The following MEAK7 variants were observed in gnomAD, a reference collection of about 807,000 sequenced individuals.
MEAK7 encodes MTOR associated protein MEAK7, also known as MTOR-associated protein MEAK7.
A neutral mutation model predicts 40.5 loss-of-function variants in MEAK7; 68 were observed. That is an observed-to-expected ratio of 1.68 (90% CI 1.38 to 2.06). MEAK7 has a LOEUF of 2.06. Among genes scored for constraint, MEAK7 ranks in the 30% most tolerant of loss-of-function variants. The pLI, the probability that MEAK7 is intolerant of heterozygous loss-of-function variation, is 0.00. For synonymous variants in MEAK7, 338 were observed against 231.9 expected (o/e 1.46, Z -4.16); for missense variants, 918 against 580.5 (o/e 1.58, Z -5.98).
At chr16:84,500,770 C>T (rs1047177983) in intron 1 of MEAK7, among the ~76,000 whole-genome samples, 11 of 152,120 alleles carry the variant, frequency 7.2e-5, no homozygotes, top group Non-Finnish European at 1.0e-4. Flanking sequence ...GGGGCTGCAC[C>T]GGCTGAGTCT....
In MEAK7 at chr16:84,486,877, G is replaced by A. The variant is rs1178370996; in HGVS notation, c.712C>T (p.Gln238Ter). 5.6e-6 allele frequency: 9 copies of A among 1,614,054 alleles called. No homozygotes were observed. The highest frequency in any genetic ancestry group is 7.6e-6 in the Non-Finnish European group (9 of 1,180,036). The change falls in exon 5 of 8, where the codon CAG becomes TAG. Residue 238 changes from glutamine (Q) to a stop codon, truncating the protein, a stop_gained. Transcript: ENST00000343629. LOFTEE classifies it high-confidence loss of function. ...AGGATGCTCTCAAAACCCCTGCCCT[G>A]GTCCACTTGACGCTCAGGGACCAGG... is the stretch of plus-strand genomic sequence containing the variant. ...TTLVPERQVD[Q>*]GRGFESILDV...
chr16:84,488,596 C>G (rs1013538281), intron 4 of MEAK7, among the ~76,000 whole-genome samples: 34 of 152,208 alleles, frequency 2.2e-4, no homozygotes, highest in African/African-American at 7.9e-4. Flanking sequence ...AGTATCTTCT[C>G]TAAACATAAT....
intron 2 of MEAK7, among the ~76,000 whole-genome samples, chr16:84,496,622 G>A (rs1417597401): frequency 6.6e-6 from 1 of 152,136 alleles, no homozygotes; most frequent in Non-Finnish European, 1.5e-5. Flanking sequence ...AGGGGGCCCA[G>A]ACCAACCTCG....
intron 5 of MEAK7, among the ~76,000 whole-genome samples, chr16:84,484,946 C>A (rs1030807411): frequency 6.6e-6 from 1 of 152,200 alleles, no homozygotes; most frequent in African/African-American, 2.4e-5. Flanking sequence ...ACATAAAGAG[C>A]CAGCAGAGTC....
intron 1 of MEAK7, chr16:84,502,985 T>G (rs139515388): frequency 2.0e-5 from 3 of 152,294 alleles, no homozygotes; most frequent in South Asian, 4.1e-4. Flanking sequence ...AAAATCTGGT[T>G]TTAGCAAAAC....
intron 6 of MEAK7, among the ~76,000 whole-genome samples, chr16:84,480,992 A>G (rs1476383594): frequency 1.3e-5 from 2 of 152,236 alleles, no homozygotes; most frequent in Non-Finnish European, 2.9e-5. Context: ...ACATCAGAGA[A>G]TTAAAAATGT....
Position 84,504,627 on chromosome 16 carries a change from G to C in MEAK7, c.-52C>G, listed in dbSNP as rs997185570. The C allele has an allele frequency of 7.1e-6, 7 of 985,538 alleles. No individual in the cohort carries two copies. The highest frequency in any genetic ancestry group is 1.7e-5 in the African/African-American group (1 of 57,264). The allele number at this position is 985,538 out of a possible 1,614,324, so 61.0% of individuals were successfully genotyped here. On this transcript the variant is annotated 5_prime_UTR_variant, in exon 1 of 8. Coordinates refer to ENST00000343629, the MANE Select transcript of MEAK7 (RefSeq NM_020947.4). The stretch of plus-strand genomic sequence containing the variant: ...CTGCCGGGCTTCCTGGTGCTGTCCG[G>C]TCCGGTCCAGCAGCCCACGGGCTCC...
rs576997001 is a variant in MEAK7, at chr16:84,493,299, C to A, written c.384+2384G>T. ...GTTTTACTTTGATCCTTTTATAGGG[C>A]AGTTTATAGTCAGCTATAGAACTCT... On this transcript the variant is annotated intron_variant, in intron 3 of 7. Transcript: ENST00000343629. Among the ~76,000 whole-genome samples, 4 of 152,282 alleles carry A rather than the reference C, an allele frequency of 2.6e-5. No homozygotes were observed. The South Asian group carries it at 8.3e-4, about 32-fold the overall frequency.
intron 5 of MEAK7, among the ~76,000 whole-genome samples, chr16:84,484,448 G>A (rs895215642): frequency 6.6e-6 from 1 of 152,190 alleles, no homozygotes; most frequent in South Asian, 2.1e-4. Flanking sequence ...ACCTTGCCCA[G>A]GGCTAGAGCT....
At position 84,479,357 on chromosome 16, in the gene MEAK7, C is replaced by A. The variant is rs1408480493; in HGVS notation, c.*556G>T. 6.6e-6 allele frequency: 1 copy of A among 152,204 alleles called. No homozygotes were observed. Among genetic ancestry groups the A allele is most frequent in the Non-Finnish European group, 1.5e-5 (1 of 68,066 alleles). The allele number at this position is 152,204 out of a possible 1,614,324, so 9.4% of individuals were successfully genotyped here. On this transcript the variant is annotated 3_prime_UTR_variant, in exon 8 of 8. Transcript: ENST00000343629. ...ATATGAACCCCAGCGGGAGGAACCC[C>A]CTCCTCAATAGAGAAGTTGAGATCC...
intron 2 of MEAK7, chr16:84,497,627 T>C: frequency 7.3e-7 from 1 of 1,368,416 alleles, no homozygotes; most frequent in Non-Finnish European, 9.6e-7. Flanking sequence ...GAATCATTCA[T>C]TATCTACTCC....
chr16:84,501,543 G>A (rs1033829980), intron 1 of MEAK7, among the ~76,000 whole-genome samples: 3 of 152,294 alleles, frequency 2.0e-5, no homozygotes, highest in African/African-American at 7.2e-5. Context: ...CCAACAGGCA[G>A]GACAGGAACC....
chr16:84,482,021 G>A (rs761653723), intron 6 of MEAK7, among the ~76,000 whole-genome samples: 2 of 152,286 alleles, frequency 1.3e-5, no homozygotes, highest in East Asian at 1.9e-4. Context: ...GCTGAGCTTC[G>A]GCGTGGATGC....
chr16:84,488,014 A>G (rs1597940449), intron 4 of MEAK7: 1 of 152,348 alleles, frequency 6.6e-6, no homozygotes, highest in South Asian at 2.1e-4. Flanking sequence ...ACTCAGGCCC[A>G]TTTTATTAAG....
rs771196346 is a variant in MEAK7 at position 84,495,840 on chromosome 16, G to T, written c.227C>A (p.Thr76Lys). 4 of 1,613,982 alleles carry T rather than the reference G, an allele frequency of 2.5e-6. No individual in the cohort carries two copies. The highest frequency in any genetic ancestry group is 3.4e-6 in the Non-Finnish European group (4 of 1,180,040). ...CTCACTGGGTCCCTTCGCCTTCCCT[G>T]TCAGGTCGACCCTCCGCATGCCATC... ...LYDGMRRVDL[T>K]GKAKGPSENV... Residue 76 changes from threonine (T) to lysine (K), a missense_variant, in exon 3 of 8, where the codon ACA (threonine) becomes AAA (lysine). Coordinates refer to ENST00000343629, the MANE Select transcript of MEAK7 (RefSeq NM_020947.4).
chr16:84,476,514 G>C lies in MEAK7; in HGVS notation c.*3399C>G, dbSNP rs1912118936. ...CAATCCAACAATTCCAATTCTAAGAGTTTATCCCACAGACACCATCACAGC... is the reference window on the plus strand; with the variant it reads ...CAATCCAACAATTCCAATTCTAAGACTTTATCCCACAGACACCATCACAGC... On this transcript the variant is annotated 3_prime_UTR_variant, in exon 8 of 8. Transcript: ENST00000343629. The C allele has an allele frequency of 6.6e-6, 1 of 151,990 alleles. No homozygotes were observed. The highest frequency in any genetic ancestry group is 2.1e-4 in the South Asian group (1 of 4,810). The allele number at this position is 151,990 out of a possible 1,614,324, so 9.4% of individuals were successfully genotyped here. A position where few individuals can be genotyped will look rare whatever the true frequency, so the allele number is the denominator to read the frequency against.
rs570476559 is a variant in MEAK7 at position 84,501,442 on chromosome 16, C to A, written c.-26+3159G>T. 6.6e-5 allele frequency among the ~76,000 whole-genome samples: 10 copies of A among 152,258 alleles called. No individual in the cohort carries two copies. The South Asian group carries it at 1.0e-3, about 16-fold the overall frequency. ...ACTTTCTGCCAGAAACAGGCTCCCCCACTGTGGTCGGAGAACAGCAGCAGG... is the reference window on the plus strand; with the variant it reads ...ACTTTCTGCCAGAAACAGGCTCCCCAACTGTGGTCGGAGAACAGCAGCAGG... On this transcript the variant is annotated intron_variant, in intron 1 of 7. Coordinates refer to ENST00000343629, the MANE Select transcript of MEAK7 (RefSeq NM_020947.4).
chr16:84,501,362 G>A (rs1004311760), intron 1 of MEAK7, among the ~76,000 whole-genome samples: 3 of 152,062 alleles, frequency 2.0e-5, no homozygotes, highest in Non-Finnish European at 2.9e-5. Context: ...TGCAGCAGAA[G>A]GGGGCCCAGG....
chr16:84,504,487 G>A (rs1836608165), intron 1 of MEAK7, 114 bp downstream of exon 1: 1 of 650,160 alleles, frequency 1.5e-6, no homozygotes, highest in South Asian at 6.8e-5. Flanking sequence ...GGCGTGGGAG[G>A]CCAGGGAGGG....
Sources: allele counts gnomAD v4.1 joint callset (sites outside exome capture counted in the v4.1 genomes callset), GRCh38; gene constraint gnomAD v4.1.1; transcripts MANE v1.5; gene names NCBI Gene and HGNC (gene_info 2026-07-23, HGNC 2026-07-21).